The following SLC4A4 variants were observed in gnomAD, a reference collection of about 807,000 sequenced individuals.
The protein encoded by SLC4A4 is solute carrier family 4 member 4.
SLC4A4 carries 27 observed loss-of-function variants against 111.5 expected under a neutral mutation model. The observed-to-expected ratio is 0.24, with a 90% CI of 0.18 to 0.33. SLC4A4 has a LOEUF of 0.33. SLC4A4 is among the 10% of genes least tolerant of loss of function. The probability of loss-of-function intolerance (pLI) is 1.00; values close to 1 mark genes in which losing one functional copy is unlikely to be tolerated. For synonymous variants in SLC4A4, 443 were observed against 463.4 expected (o/e 0.96, Z 0.57); for missense variants, 909 against 1,315.5 (o/e 0.69, Z 4.78).
chr4:71,279,174 AG>A (rs1451783511), intron 3 of SLC4A4, among the ~76,000 whole-genome samples: 4 of 152,222 alleles, frequency 2.6e-5, no homozygotes, highest in African/African-American at 9.6e-5. Context: ...ATAGATCTCC[AG>A]AACTTACTCA....
chr4:71,223,694 A>G (rs559779259), intron 1 of SLC4A4, among the ~76,000 whole-genome samples: 2 of 151,810 alleles, frequency 1.3e-5, no homozygotes, highest in African/African-American at 4.8e-5. Flanking sequence ...GTAGGCCGCC[A>G]TTTCCCTTTC....
At chr4:71,399,427 C>T (rs1370604100) in intron 7 of SLC4A4, among the ~76,000 whole-genome samples, 1 of 150,200 alleles carries the variant, frequency 6.7e-6, no homozygotes, top group African/African-American at 2.5e-5. Context: ...TTCCATTCTC[C>T]CGTCCCTTCC....
At chr4:71,153,948 G>GGA (rs1378154394) in intron 2 of SLC4A4, among the ~76,000 whole-genome samples, 5 of 152,164 alleles carry the variant, frequency 3.3e-5, no homozygotes, top group Non-Finnish European at 7.4e-5. Context: ...CTAGCACACA[G>GGA]GAGAGAGTGA....
chr4:71,077,527 CAAAGAT>C (rs1741873219), intron 1 of SLC4A4, among the ~76,000 whole-genome samples: 1 of 152,078 alleles, frequency 6.6e-6, no homozygotes, highest in South Asian at 2.1e-4. Flanking sequence ...GTTAGGTAGA[CAAAGAT>C]AAAGACCCAA....
intron 3 of SLC4A4, among the ~76,000 whole-genome samples, chr4:71,333,503 A>G (rs549053000): frequency 2.6e-5 from 4 of 152,248 alleles, no homozygotes; most frequent in Admixed American, 2.0e-4. Context: ...ACAGCATTGG[A>G]TCTCACCCAA....
rs886059595 is a variant in SLC4A4 at position 71,450,467 on chromosome 4, A to T, written c.1132A>T (p.Ile378Phe). The part of the protein sequence containing the change: ...AGIDEFLDEV[I>F]VLPPGEWDPA... The stretch of plus-strand genomic sequence containing the variant: ...TATTGATGAGTTCCTAGATGAAGTC[A>T]TCGTCCTTCCACCTGGGGAATGGGA... The change falls in exon 10 of 26, where the codon ATC becomes TTC. Residue 378 changes from isoleucine to phenylalanine, a missense_variant. Ile to Phe is a conservative substitution (Grantham distance 21). Coordinates refer to ENST00000264485, the MANE Select transcript of SLC4A4 (RefSeq NM_001098484.3). 5.6e-6 allele frequency: 9 copies of T among 1,613,612 alleles called. No individual in the cohort carries two copies.
intron 15 of SLC4A4, among the ~76,000 whole-genome samples, chr4:71,494,621 G>C (rs1216962521): frequency 6.6e-6 from 1 of 151,956 alleles, no homozygotes; most frequent in Non-Finnish European, 1.5e-5. Context: ...GTACTGTCTT[G>C]TTCTTAAAGT....
chr4:71,147,784 C>G lies in SLC4A4; in HGVS notation c.-2+54992C>G, dbSNP rs138181188. 4.9e-4 allele frequency among the ~76,000 whole-genome samples: 74 copies of G among 152,166 alleles called. 1 individual carries two copies. The highest frequency in any genetic ancestry group is 1.7e-3 in the African/African-American group (71 of 41,518). On this transcript the variant is annotated intron_variant, in intron 2 of 26. Coordinates refer to the SLC4A4 transcript ENST00000649996. ...TTGCCACCACCCATCTGCATTGTTG[C>G]CAGAAAAATAGCTGTTTACCAGATT...
intron 20 of SLC4A4, among the ~76,000 whole-genome samples, chr4:71,552,790 T>C (rs1736134545): frequency 1.3e-5 from 2 of 151,896 alleles, no homozygotes. Context: ...TATGGTATAC[T>C]TTGTGCTGTT....
chr4:71,374,104 T>C (rs923309230), intron 6 of SLC4A4, among the ~76,000 whole-genome samples: 1 of 152,218 alleles, frequency 6.6e-6, no homozygotes, highest in African/African-American at 2.4e-5. Flanking sequence ...CTTAGCTTGG[T>C]GTTTTTTTCT....
chr4:71,288,734 T>G (rs1578760252), intron 3 of SLC4A4, among the ~76,000 whole-genome samples: 1 of 152,100 alleles, frequency 6.6e-6, no homozygotes. Context: ...TGAAGGGTGT[T>G]GTGAGCCATC....
intron 8 of SLC4A4, among the ~76,000 whole-genome samples, chr4:71,441,416 A>G (rs955625198): frequency 6.6e-6 from 1 of 152,196 alleles, no homozygotes; most frequent in African/African-American, 2.4e-5. Context: ...AGTTGACTAG[A>G]AGTTAATGTT....
intron 3 of SLC4A4, among the ~76,000 whole-genome samples, chr4:71,327,618 A>G (rs1023215020): frequency 6.6e-6 from 1 of 152,050 alleles, no homozygotes. Flanking sequence ...ATTCAAAAAT[A>G]TTAGTTATTG....
At chr4:71,306,006 A>T (rs1224272245) in intron 3 of SLC4A4, among the ~76,000 whole-genome samples, 2 of 152,236 alleles carry the variant, frequency 1.3e-5, no homozygotes, top group African/African-American at 2.4e-5. Context: ...TCCAACACAT[A>T]GTAGGCACTC....
chr4:71,485,319 T>A (rs1729271956), intron 14 of SLC4A4, among the ~76,000 whole-genome samples: 1 of 151,728 alleles, frequency 6.6e-6, no homozygotes, highest in Non-Finnish European at 1.5e-5. Context: ...CAACACCTAG[T>A]TTGTTGAGAG....
chr4:71,328,943 A>G (rs938839547), intron 3 of SLC4A4, among the ~76,000 whole-genome samples: 1 of 152,086 alleles, frequency 6.6e-6, no homozygotes, highest in African/African-American at 2.4e-5. Context: ...GTAGCTTCAT[A>G]GTTTGAGGTT....
chr4:71,509,212 T>A (rs1731689073), intron 16 of SLC4A4, among the ~76,000 whole-genome samples: 2 of 152,184 alleles, frequency 1.3e-5, no homozygotes, highest in Admixed American at 1.3e-4. Flanking sequence ...ATGCCCTGTC[T>A]CACCATTCTT....
chr4:71,565,157 A>G (rs755920655), intron 24 of SLC4A4, among the ~76,000 whole-genome samples: 1 of 151,900 alleles, frequency 6.6e-6, no homozygotes, highest in Non-Finnish European at 1.5e-5. Flanking sequence ...GGTACGCCCT[A>G]TGTAAATGGA....
chr4:71,534,867 A>T (rs1734273914), intron 18 of SLC4A4, among the ~76,000 whole-genome samples: 1 of 152,150 alleles, frequency 6.6e-6, no homozygotes, highest in African/African-American at 2.4e-5. Context: ...GTATGTTATT[A>T]ACCATAAAGA....
Sources: gnomAD v4.1 joint callset for allele counts (sites outside exome capture counted in the v4.1 genomes callset) on GRCh38, gnomAD v4.1.1 for gene constraint, MANE v1.5 for transcripts, NCBI Gene and HGNC (gene_info 2026-07-23, HGNC 2026-07-21) for gene names.